Variants in TACC2 observed in about 807,000 individuals in gnomAD.
The protein encoded by TACC2 is transforming acidic coiled-coil-containing protein 2.
A neutral mutation model predicts 227.3 loss-of-function variants in TACC2; 137 were observed. The observed-to-expected ratio is 0.60, with a 90% CI of 0.52 to 0.69. The LOEUF is 0.69. Among genes scored for constraint, TACC2 ranks in the 30% least tolerant of loss-of-function variants. The pLI is 0.00. For synonymous variants in TACC2, 1,523 were observed against 1,487.5 expected, an observed-to-expected ratio of 1.02 and a Z score of -0.55; for missense variants, 3,470 against 3,694.4, an observed-to-expected ratio of 0.94 and a Z score of 1.57.
rs994429987 is a variant in TACC2, at chr10:122,112,802, G to A, written c.5574-19807G>A. Among the ~76,000 whole-genome samples, 19 of 152,180 alleles carry A rather than the reference G, an allele frequency of 1.2e-4. No homozygotes were observed. The South Asian group carries it at 2.1e-3, about 17-fold the overall frequency. ...CCTCCAGGAGCAGCGGCCGGGCTGT[G>A]CGTCCATCGGTCCGTGCGTCTCTCG... is the stretch of plus-strand genomic sequence containing the variant. On this transcript the variant is annotated intron_variant, in intron 5 of 22. Transcript: ENST00000369005.
intron 5 of TACC2, among the ~76,000 whole-genome samples, chr10:122,113,797 G>A (rs533716329): frequency 3.1e-4 from 47 of 152,352 alleles, no homozygotes; most frequent in African/African-American, 1.1e-3. Context: ...GCGCACTTCG[G>A]GGATCCGGCG....
chr10:122,230,062 A>G (rs2095707517), intron 15 of TACC2, among the ~76,000 whole-genome samples: 2 of 152,242 alleles, frequency 1.3e-5, no homozygotes, highest in African/African-American at 4.8e-5. Flanking sequence ...AAGGGAAAGA[A>G]ATGAAAGAAA....
rs866265498 is a variant in TACC2, at chr10:122,086,407, G to A, written c.3907G>A (p.Glu1303Lys). The part of the protein sequence containing the change: ...PLLQPGAAGG[E>K]IPAVQASSGS... ...GTTGCAACCAGGAGCTGCAGGTGGGGAAATCCCTGCAGTGCAAGCCAGCAG... is the reference window on the plus strand; with the variant it reads ...GTTGCAACCAGGAGCTGCAGGTGGGAAAATCCCTGCAGTGCAAGCCAGCAG... The change falls in exon 4 of 23, where the codon GAA becomes AAA. Residue 1303 changes from glutamate (E) to lysine (K), a missense_variant. By Grantham distance (56) the Glu-to-Lys change is moderately conservative. Coordinates refer to ENST00000369005, the MANE Select transcript of TACC2 (RefSeq NM_206862.4). The A allele has an allele frequency of 1.2e-6, 2 of 1,613,612 alleles. No homozygotes were observed. The highest frequency in any genetic ancestry group is 1.7e-6 in the Non-Finnish European group (2 of 1,179,992).
chr10:122,189,913 A>G (rs2094349571), intron 7 of TACC2, among the ~76,000 whole-genome samples: 1 of 152,188 alleles, frequency 6.6e-6, no homozygotes, highest in South Asian at 2.1e-4. Flanking sequence ...TTTAGCTGGG[A>G]TAAGTGTGTT....
At position 122,084,391 on chromosome 10, in the gene TACC2, C is replaced by T; in HGVS notation, c.1891C>T (p.His631Tyr). ...AGAGAGCAGAGACCATCCCAGCTCA[C>T]ACTCAGCACAGCCACCCAGAAAGGG... ...DAESRDHPSS[H>Y]SAQPPRKGGA... is the part of the protein sequence containing the mutation. Residue 631 changes from histidine to tyrosine, a missense_variant, in exon 4 of 23, where the codon CAC becomes TAC. His to Tyr is a moderately conservative substitution (Grantham distance 83). This residue lies in a region of TACC2 where 1,924 missense variants were observed against 1,978.3 expected (regional missense o/e 0.97). Coordinates refer to ENST00000369005, the MANE Select transcript of TACC2 (RefSeq NM_206862.4). 1 of 1,613,290 alleles carries T rather than the reference C, an allele frequency of 6.2e-7. No individual in the cohort carries two copies. Among genetic ancestry groups the T allele is most frequent in the Non-Finnish European group, 8.5e-7 (1 of 1,180,032 alleles).
intron 3 of TACC2, among the ~76,000 whole-genome samples, chr10:122,080,465 C>T (rs901178378): frequency 1.3e-5 from 2 of 152,046 alleles, no homozygotes; most frequent in African/African-American, 4.8e-5. Context: ...AACTCCTGAG[C>T]TCAAGTGATC....
chr10:122,196,788 T>G (rs1041612261), intron 8 of TACC2, among the ~76,000 whole-genome samples: 10 of 151,924 alleles, frequency 6.6e-5, no homozygotes, highest in Admixed American at 1.3e-4. Flanking sequence ...TACAAAAAAT[T>G]AGCTGGGCGT....
At chr10:122,229,936 T>C (rs1221150013) in intron 15 of TACC2, among the ~76,000 whole-genome samples, 1 of 152,162 alleles carries the variant, frequency 6.6e-6, no homozygotes, top group Non-Finnish European at 1.5e-5. Flanking sequence ...ACAACTTAAT[T>C]TGATATCCTC....
At chr10:122,028,023 G>C (rs34860269) in intron 2 of TACC2, among the ~76,000 whole-genome samples, 11,895 of 150,012 alleles carry the variant, frequency 0.079, 576 homozygotes, top group East Asian at 0.15. Flanking sequence ...GATTACAGGC[G>C]TGAGCCACTG....
At chr10:122,250,959 G>A (rs577079789) in intron 22 of TACC2, among the ~76,000 whole-genome samples, 1 of 84,228 alleles carries the variant, frequency 1.2e-5, no homozygotes, top group African/African-American at 5.1e-5. Context: ...TTATTCTGTT[G>A]CCCAGGCTGG....
intron 6 of TACC2, among the ~76,000 whole-genome samples, chr10:122,136,327 C>A (rs2089624442): frequency 6.6e-6 from 1 of 151,956 alleles, no homozygotes; most frequent in African/African-American, 2.4e-5. Flanking sequence ...CAGCAGTGTC[C>A]CCGCCACCCC....
chr10:122,046,611 G>C (rs2075036324), intron 2 of TACC2, among the ~76,000 whole-genome samples: 1 of 152,200 alleles, frequency 6.6e-6, no homozygotes, highest in African/African-American at 2.4e-5. Context: ...CCATCTGCCT[G>C]AGGAAATATA....
At chr10:122,114,814 C>T (rs2084343759) in intron 5 of TACC2, among the ~76,000 whole-genome samples, 1 of 152,202 alleles carries the variant, frequency 6.6e-6, no homozygotes, top group African/African-American at 2.4e-5. Flanking sequence ...ATGCTGCCGC[C>T]TCTGTGGAAC....
rs1032499439 is a variant in TACC2 at position 122,254,409 on chromosome 10, G to C, written c.*353G>C. 4 of 271,346 alleles carry C rather than the reference G, an allele frequency of 1.5e-5. No homozygotes were observed. The Admixed American group carries it at 2.1e-4, about 14-fold the overall frequency. 16.8% of individuals were successfully genotyped at this position (271,346 alleles called of 1,614,324 possible). A position where few individuals can be genotyped will look rare whatever the true frequency, so the allele number is the denominator to read the frequency against. On this transcript the variant is annotated 3_prime_UTR_variant, in exon 23 of 23. Transcript: ENST00000369005. ...TGGATTTAATATGAACATGTACAGCGTGCATAGGGACTCTTGCCTTAAGGA... is the reference window on the plus strand; with the variant it reads ...TGGATTTAATATGAACATGTACAGCCTGCATAGGGACTCTTGCCTTAAGGA...
intron 8 of TACC2, among the ~76,000 whole-genome samples, chr10:122,203,799 A>G (rs1024426134): frequency 6.6e-6 from 1 of 152,140 alleles, no homozygotes; most frequent in African/African-American, 2.4e-5. Context: ...TGGGAGGCCA[A>G]GGCAGGCTGC....
At chr10:122,247,967 G>T (rs2096164571) in intron 19 of TACC2, 1 of 152,262 alleles carries the variant, frequency 6.6e-6, no homozygotes, top group Non-Finnish European at 1.5e-5. Flanking sequence ...AGGTGGGGCA[G>T]AGGACAATGG....
At chr10:122,220,038 CAA>C (rs1238298687) in intron 11 of TACC2, among the ~76,000 whole-genome samples, 29 of 95,910 alleles carry the variant, frequency 3.0e-4, no homozygotes, top group Admixed American at 7.0e-4. Context: ...ACTCTGTCTC[CAA>C]AAAAAAAAAA....
chr10:122,108,663 C>T (rs1454728249), intron 5 of TACC2, among the ~76,000 whole-genome samples: 1 of 151,490 alleles, frequency 6.6e-6, no homozygotes, highest in Non-Finnish European at 1.5e-5. Context: ...CCAGGATGTT[C>T]TCAATCTCTT....
intron 5 of TACC2, among the ~76,000 whole-genome samples, chr10:122,115,741 A>G (rs1322485408): frequency 6.6e-6 from 1 of 151,898 alleles, no homozygotes; most frequent in Admixed American, 6.6e-5. Context: ...GTATGTGCAT[A>G]TGTGTACATG....
Sources: gnomAD v4.1 joint callset for allele counts (sites outside exome capture counted in the v4.1 genomes callset) on GRCh38, gnomAD v4.1.1 for gene constraint, gnomAD v4.1.1 regional missense constraint, MANE v1.5 for transcripts, NCBI Gene and HGNC (gene_info 2026-07-23, HGNC 2026-07-21) for gene names.